Variants in ELAPOR2 observed in about 807,000 individuals in gnomAD.
ELAPOR2 encodes endosome/lysosome-associated apoptosis and autophagy regulator family member 2.
In ELAPOR2, 89 loss-of-function variants were observed where a neutral mutation model predicts 120.7. That is an observed-to-expected ratio of 0.74 (90% CI 0.62 to 0.88). ELAPOR2 has a LOEUF of 0.88. Ranked by LOEUF, ELAPOR2 falls within the 40% of genes least tolerant of loss-of-function variation. The pLI is 0.00. For missense variants in ELAPOR2, 1,134 were observed against 1,251.6 expected, an observed-to-expected ratio of 0.91 and a Z score of 1.42; for synonymous variants, 444 against 444.9, an observed-to-expected ratio of 1.00 and a Z score of 0.03.
chr7:86,985,975 G>A (rs1262309068), intron 1 of ELAPOR2, among the ~76,000 whole-genome samples: 4 of 151,894 alleles, frequency 2.6e-5, no homozygotes, highest in African/African-American at 9.7e-5. Context: ...GCAAAAACTG[G>A]AAGCATTCCC....
chr7:86,921,195 T>A (rs895311279), intron 10 of ELAPOR2, among the ~76,000 whole-genome samples: 1 of 152,050 alleles, frequency 6.6e-6, no homozygotes, highest in Non-Finnish European at 1.5e-5. Flanking sequence ...TAAGAAAAGA[T>A]ATGTTGAAAT....
chr7:86,983,901 A>G (rs1792607698), intron 1 of ELAPOR2, among the ~76,000 whole-genome samples: 1 of 152,354 alleles, frequency 6.6e-6, no homozygotes, highest in Admixed American at 6.5e-5. Context: ...CAAATTGGAT[A>G]AAGAGTCAAG....
intron 8 of ELAPOR2, among the ~76,000 whole-genome samples, chr7:86,928,023 T>C (rs545345869): frequency 2.0e-5 from 3 of 152,184 alleles, no homozygotes; most frequent in African/African-American, 7.2e-5. Flanking sequence ...TTCTCAAGTA[T>C]TCTTATGGAA....
At chr7:86,995,513 T>G (rs1465439881) in intron 1 of ELAPOR2, among the ~76,000 whole-genome samples, 1 of 152,204 alleles carries the variant, frequency 6.6e-6, no homozygotes, top group South Asian at 2.1e-4. Flanking sequence ...GAAAGCAAGC[T>G]GGAAGGGCAA....
At chr7:86,980,834 A>G (rs1004773776) in intron 1 of ELAPOR2, among the ~76,000 whole-genome samples, 8 of 152,066 alleles carry the variant, frequency 5.3e-5, no homozygotes, top group Non-Finnish European at 1.2e-4. Context: ...CTCTCCCCTC[A>G]ACAAATAAAT....
At chr7:86,907,575 G>T (rs1584333738) in intron 18 of ELAPOR2, 95 bp downstream of exon 18, 5 of 793,900 alleles carry the variant, frequency 6.3e-6, no homozygotes, top group East Asian at 3.1e-5. Flanking sequence ...TTTTCTTTCT[G>T]CTTTATGTTC....
In ELAPOR2 at chr7:86,908,447, T is replaced by G. The variant is rs910525383; in HGVS notation, c.2456A>C (p.Lys819Thr). 6.6e-7 allele frequency: 1 copy of G among 1,523,512 alleles called. No individual in the cohort carries two copies. The highest frequency in any genetic ancestry group is 9.0e-7 in the Non-Finnish European group (1 of 1,112,624). 94.4% of individuals were successfully genotyped at this position (1,523,512 alleles called of 1,614,324 possible). The change falls in exon 17 of 22, where the codon AAG (lysine) becomes ACG (threonine). Residue 819 changes from lysine to threonine, a missense_variant and splice_region_variant. Coordinates refer to ENST00000450689, the MANE Select transcript of ELAPOR2 (RefSeq NM_001142749.3). ...SQIPDVHFFYKSSTATTSCIN... is the reference protein window; with the variant it reads ...SQIPDVHFFYTSSTATTSCIN... ...CAAGGGAAACAGCATCTTCACTTACTTATAAAAGAAATGCACATCTGGTAT... is the reference window on the plus strand; with the variant it reads ...CAAGGGAAACAGCATCTTCACTTACGTATAAAAGAAATGCACATCTGGTAT...
At chr7:86,944,647 C>T (rs1790928838) in intron 4 of ELAPOR2, among the ~76,000 whole-genome samples, 1 of 151,990 alleles carries the variant, frequency 6.6e-6, no homozygotes, top group Non-Finnish European at 1.5e-5. Flanking sequence ...ATATAATGAG[C>T]ATAACTAAAA....
At chr7:86,983,993 T>C (rs1562955331) in intron 1 of ELAPOR2, among the ~76,000 whole-genome samples, 2 of 152,108 alleles carry the variant, frequency 1.3e-5, no homozygotes, top group South Asian at 4.1e-4. Context: ...TGGAGGAAGA[T>C]CTAAGAGGCA....
intron 1 of ELAPOR2, among the ~76,000 whole-genome samples, chr7:86,993,909 A>C (rs1767696): frequency 0.38 from 57,489 of 151,856 alleles, 11,712 homozygotes; most frequent in African/African-American, 0.53. Context: ...CAGCTAAATT[A>C]CTCTCTTCCT....
At chr7:87,018,428 TG>T (rs1431102138) in intron 1 of ELAPOR2, among the ~76,000 whole-genome samples, 1 of 152,208 alleles carries the variant, frequency 6.6e-6, no homozygotes, top group Non-Finnish European at 1.5e-5. Context: ...CTTATTTCCC[TG>T]ACATGTAGGA....
At chr7:86,947,438 A>C (rs1791054743) in intron 3 of ELAPOR2, among the ~76,000 whole-genome samples, 1 of 152,240 alleles carries the variant, frequency 6.6e-6, no homozygotes, top group Non-Finnish European at 1.5e-5. Context: ...GAAAAAGGTT[A>C]GTAGAAACAC....
At chr7:86,885,791 G>A (rs1192280478) in intron 21 of ELAPOR2, among the ~76,000 whole-genome samples, 1 of 152,122 alleles carries the variant, frequency 6.6e-6, no homozygotes. Context: ...GATTCTATGT[G>A]TCCATTCAAG....
chr7:87,021,773 T>C (rs764392687), intron 1 of ELAPOR2, among the ~76,000 whole-genome samples: 40 of 152,170 alleles, frequency 2.6e-4, no homozygotes, highest in Non-Finnish European at 5.3e-4. Flanking sequence ...CAGAACAAAG[T>C]CTATCTTACA....
chr7:86,999,185 C>T (rs1469501575), intron 1 of ELAPOR2, among the ~76,000 whole-genome samples: 1 of 152,044 alleles, frequency 6.6e-6, no homozygotes, highest in Non-Finnish European at 1.5e-5. Context: ...AATCCCCGTG[C>T]TTTCCTTGGC....
chr7:86,893,048 A>G lies in ELAPOR2; in HGVS notation c.2738T>C (p.Leu913Ser), dbSNP rs1282961946. ...ACAGGTTGCCAACTTTTTCTCAGGC[A>G]AAGAAATTCCTTTAATGCACCATTT... ...EPKWCIKGISLPEKKLATCET... is the reference protein window; with the variant it reads ...EPKWCIKGISSPEKKLATCET... Residue 913 changes from leucine (L) to serine (S), a missense_variant, in exon 20 of 22, where the codon TTG (leucine) becomes TCG (serine). Around this residue, in one of 3 missense-constraint regions of ELAPOR2, gnomAD observed 831 missense variants for 867.6 expected, o/e 0.96. Coordinates refer to ENST00000450689, the MANE Select transcript of ELAPOR2 (RefSeq NM_001142749.3). The G allele has an allele frequency of 6.3e-7, 1 of 1,577,322 alleles. No individual in the cohort carries two copies. The highest frequency in any genetic ancestry group is 8.6e-7 in the Non-Finnish European group (1 of 1,166,576).
At chr7:86,945,096 T>G in intron 3 of ELAPOR2, 50 bp from the exon 4 acceptor site, 1 of 1,494,442 alleles carries the variant, frequency 6.7e-7, no homozygotes, top group Non-Finnish European at 9.0e-7. Context: ...CTGAAACCTC[T>G]TCTATTCACA....
intron 1 of ELAPOR2, among the ~76,000 whole-genome samples, chr7:87,048,528 C>A (rs1455688399): frequency 3.3e-5 from 5 of 151,676 alleles, no homozygotes; most frequent in Non-Finnish European, 7.4e-5. Context: ...TTAATTGGTA[C>A]AAAAAAATAG....
intron 6 of ELAPOR2, 57 bp downstream of exon 6, chr7:86,939,953 T>C: frequency 1.8e-6 from 2 of 1,122,090 alleles, no homozygotes; most frequent in Non-Finnish European, 2.6e-6. Flanking sequence ...TTAATAAATA[T>C]TTTAACTAAC....
Sources: allele counts gnomAD v4.1 joint callset (sites outside exome capture counted in the v4.1 genomes callset), GRCh38; gene constraint gnomAD v4.1.1; regional missense constraint gnomAD v4.1.1; transcripts MANE v1.5; gene names NCBI Gene and HGNC (gene_info 2026-07-23, HGNC 2026-07-21).